Variants in ZNF292 observed in about 807,000 individuals in gnomAD.
The protein encoded by ZNF292 is zinc finger protein 292.
A neutral mutation model predicts 217.9 loss-of-function variants in ZNF292; 26 were observed. That is an observed-to-expected ratio of 0.12 (90% CI 0.09 to 0.17). ZNF292 has a LOEUF of 0.17. ZNF292 is among the 10% of genes least tolerant of loss of function. The pLI, the probability that ZNF292 is intolerant of heterozygous loss-of-function variation, is 1.00. For synonymous variants in ZNF292, 1,257 were observed against 1,124.1 expected (o/e 1.12, Z -2.37); for missense variants, 2,904 against 3,175.2 (o/e 0.91, Z 2.05).
In ZNF292 at chr6:87,260,668, A is replaced by G; in HGVS notation, c.7039A>G (p.Lys2347Glu). 1 of 1,612,440 alleles carries G rather than the reference A, an allele frequency of 6.2e-7. No homozygotes were observed. The highest frequency in any genetic ancestry group is 1.3e-5 in the African/African-American group (1 of 74,846). ...KKNNLENKNA[K>E]IVQIEENKPY... ...AAATAATTTAGAAAACAAGAATGCA[A>G]AGATTGTGCAGATTGAAGAAAATAA... The change falls in exon 8 of 8, where the codon AAG becomes GAG. Residue 2347 changes from lysine (K) to glutamate (E), a missense_variant. Lys to Glu is a moderately conservative substitution (Grantham distance 56). This residue lies in a region of ZNF292 where 101 missense variants were observed against 89.5 expected (regional missense o/e 1.13). Coordinates refer to ENST00000369577, the MANE Select transcript of ZNF292 (RefSeq NM_015021.3).
intron 7 of ZNF292, among the ~76,000 whole-genome samples, chr6:87,253,886 T>C (rs1330479596): frequency 6.6e-6 from 1 of 152,246 alleles, no homozygotes; most frequent in Non-Finnish European, 1.5e-5. Context: ...AAACCCATTT[T>C]TATCTCTTTA....
At chr6:87,180,328 A>C (rs371245060) in intron 1 of ZNF292, among the ~76,000 whole-genome samples, 37 of 152,352 alleles carry the variant, frequency 2.4e-4, no homozygotes, top group African/African-American at 7.9e-4. Flanking sequence ...ACAGTGCACA[A>C]GGGCGGGCTT....
intron 1 of ZNF292, among the ~76,000 whole-genome samples, chr6:87,156,680 ATCTTT>A (rs1027806499): frequency 6.6e-5 from 10 of 152,324 alleles, no homozygotes; most frequent in East Asian, 3.9e-4. Context: ...GTAGTTTCAA[ATCTTT>A]TCTTTGCTTG....
intron 3 of ZNF292, among the ~76,000 whole-genome samples, chr6:87,218,391 T>A (rs1228282710): frequency 6.6e-6 from 1 of 152,158 alleles, no homozygotes; most frequent in Non-Finnish European, 1.5e-5. Context: ...GTAAATACAT[T>A]ATATTTATTT....
Position 87,265,856 on chromosome 6 carries a change from G to T in ZNF292, c.*4055G>T, listed in dbSNP as rs918341365. On this transcript the variant is annotated 3_prime_UTR_variant, in exon 8 of 8. Coordinates refer to ENST00000369577, the MANE Select transcript of ZNF292 (RefSeq NM_015021.3). Reference sequence around the variant, plus strand: ...TTGCTGTATTGGTTGTTAATGTTTTGAATATTACCCGGTATTCAAGTAATG... The same window carrying T: ...TTGCTGTATTGGTTGTTAATGTTTTTAATATTACCCGGTATTCAAGTAATG... Among the ~76,000 whole-genome samples, 22 of 152,100 alleles carry T rather than the reference G, an allele frequency of 1.4e-4. No individual in the cohort carries two copies. Among genetic ancestry groups the T allele is most frequent in the African/African-American group, 4.8e-4 (20 of 41,412 alleles).
Position 87,175,960 on chromosome 6 carries a change from C to T in ZNF292, c.168+20201C>T, listed in dbSNP as rs140744539. 7.0e-3 allele frequency among the ~76,000 whole-genome samples: 1,059 copies of T among 152,160 alleles called. 8 individuals are homozygous for T. The highest frequency in any genetic ancestry group is 0.024 in the African/African-American group (1,006 of 41,504). ...TATTTACACTACGCTCCTGGTTCTA[C>T]GTTTGTGACTGTTTATTGTCTTTAC... On this transcript the variant is annotated intron_variant, in intron 1 of 7. Transcript: ENST00000369577.
intron 1 of ZNF292, among the ~76,000 whole-genome samples, chr6:87,164,762 CTTTTT>C (rs36077738): frequency 7.8e-6 from 1 of 128,358 alleles, no homozygotes; most frequent in Non-Finnish European, 1.6e-5. Context: ...GGAATGACCT[CTTTTT>C]TTTTTTTTTT....
At chr6:87,245,667 T>C in intron 7 of ZNF292, 23 bp downstream of exon 7, 1 of 1,387,282 alleles carries the variant, frequency 7.2e-7, no homozygotes, top group Non-Finnish European at 9.8e-7. Context: ...AGAATATTTT[T>C]AAGGTTAAAA....
intron 5 of ZNF292, among the ~76,000 whole-genome samples, chr6:87,234,458 C>T (rs1773801190): frequency 6.6e-6 from 1 of 151,798 alleles, no homozygotes; most frequent in South Asian, 2.1e-4. Context: ...ACTTGGTAGG[C>T]TGAGGCAGGA....
At position 87,254,945 on chromosome 6, in the gene ZNF292, A is replaced by G. The variant is rs1775131468; in HGVS notation, c.1316A>G (p.Gln439Arg). The change falls in exon 8 of 8, where the codon CAA becomes CGA. Residue 439 changes from glutamine to arginine, a missense_variant. Physicochemically the swap from Gln to Arg is conservative, Grantham distance 43. This residue lies in a region of ZNF292 where 15 missense variants were observed against 46.8 expected (regional missense o/e 0.32). Transcript: ENST00000369577. The stretch of plus-strand genomic sequence containing the variant: ...GAGCTGTTACTTGTATTGAAAACTC[A>G]ATGGCCCTTTGATCCAGAATTCTGG... ...RCELLLVLKT[Q>R]WPFDPEFWDW... 1.2e-6 allele frequency: 2 copies of G among 1,613,894 alleles called. No homozygotes were observed. Among genetic ancestry groups the G allele is most frequent in the East Asian group, 4.5e-5 (2 of 44,870 alleles).
At chr6:87,253,072 A>G (rs12193314) in intron 7 of ZNF292, among the ~76,000 whole-genome samples, 7,814 of 148,316 alleles carry the variant, frequency 0.053, 272 homozygotes, top group Middle Eastern at 0.082. Context: ...ATGCCCAGCT[A>G]ATTTTTTTTC....
intron 4 of ZNF292, among the ~76,000 whole-genome samples, chr6:87,226,702 C>T (rs1271943919): frequency 2.1e-5 from 3 of 144,832 alleles, no homozygotes; most frequent in Admixed American, 7.0e-5. Context: ...TTTTTTGAGA[C>T]GGAGTCTCCC....
chr6:87,168,036 T>C (rs1770972961), intron 1 of ZNF292, among the ~76,000 whole-genome samples: 2 of 152,214 alleles, frequency 1.3e-5, no homozygotes, highest in African/African-American at 4.8e-5. Flanking sequence ...GAAATTCAGT[T>C]ACCTAATTTC....
At chr6:87,215,664 G>T (rs1772716484) in intron 1 of ZNF292, among the ~76,000 whole-genome samples, 1 of 152,074 alleles carries the variant, frequency 6.6e-6, no homozygotes, top group Admixed American at 6.5e-5. Flanking sequence ...TTTAAAACTA[G>T]CCTTGATGAA....
At chr6:87,191,301 C>G (rs1771813830) in intron 1 of ZNF292, among the ~76,000 whole-genome samples, 1 of 151,746 alleles carries the variant, frequency 6.6e-6, no homozygotes, top group African/African-American at 2.4e-5. Context: ...AAAAAAATCA[C>G]AAAAAACTCA....
chr6:87,258,536 C>T lies in ZNF292; in HGVS notation c.4907C>T (p.Pro1636Leu). 3.1e-6 allele frequency: 5 copies of T among 1,613,636 alleles called. No homozygotes were observed. Among genetic ancestry groups the T allele is most frequent in the Non-Finnish European group, 4.2e-6 (5 of 1,179,762 alleles). ...SASKRRKKVA[P>L]PLIAPNASQN... ...TCTAAGAGAAGAAAGAAAGTTGCTC[C>T]TCCACTAATTGCACCTAACGCTTCC... Residue 1636 changes from proline to leucine, a missense_variant, in exon 8 of 8, where the codon CCT becomes CTT. Physicochemically the swap from Pro to Leu is moderately conservative, Grantham distance 98. Transcript: ENST00000369577.
chr6:87,234,878 C>G (rs1040242063), intron 5 of ZNF292, among the ~76,000 whole-genome samples: 1 of 150,836 alleles, frequency 6.6e-6, no homozygotes, highest in Non-Finnish European at 1.5e-5. Flanking sequence ...TTTTTTTTTT[C>G]CTTGAGAATA....
chr6:87,220,950 T>C (rs1449495674), intron 4 of ZNF292, among the ~76,000 whole-genome samples: 1 of 152,170 alleles, frequency 6.6e-6, no homozygotes, highest in Non-Finnish European at 1.5e-5. Flanking sequence ...TGCAGCAAGT[T>C]TGAAGAGAAT....
chr6:87,237,814 C>T (rs1773974890), intron 5 of ZNF292, among the ~76,000 whole-genome samples: 1 of 152,034 alleles, frequency 6.6e-6, no homozygotes, highest in South Asian at 2.1e-4. Flanking sequence ...TAAATTTTTG[C>T]TCATTTGTCA....
Sources: gnomAD v4.1 joint callset for allele counts (sites outside exome capture counted in the v4.1 genomes callset) on GRCh38, gnomAD v4.1.1 for gene constraint, gnomAD v4.1.1 regional missense constraint, MANE v1.5 for transcripts, NCBI Gene and HGNC (gene_info 2026-07-23, HGNC 2026-07-21) for gene names.